Variants in SUGP1 observed in about 807,000 individuals in gnomAD.
The protein encoded by SUGP1 is SURP and G-patch domain-containing protein 1.
In SUGP1, 34 loss-of-function variants were observed where a neutral mutation model predicts 76.5. The observed-to-expected ratio is 0.44, with a 90% CI of 0.34 to 0.59. SUGP1 has a LOEUF of 0.59. Among genes scored for constraint, SUGP1 ranks in the 20% least tolerant of loss-of-function variants. The pLI, the probability that SUGP1 is intolerant of heterozygous loss-of-function variation, is 0.01. For missense variants in SUGP1, 752 were observed against 851.7 expected (o/e 0.88, Z 1.46); for synonymous variants, 326 against 326.2 (o/e 1.00, Z 0.01).
chr19:19,312,745 T>G (rs2061361377), intron 2 of SUGP1, among the ~76,000 whole-genome samples: 1 of 151,636 alleles, frequency 6.6e-6, no homozygotes, highest in Non-Finnish European at 1.5e-5. Context: ...CCCAGCACTT[T>G]GGGAGGCCAA....
At chr19:19,308,787 C>A (rs2061334220) in intron 3 of SUGP1, among the ~76,000 whole-genome samples, 1 of 152,204 alleles carries the variant, frequency 6.6e-6, no homozygotes, top group African/African-American at 2.4e-5. Flanking sequence ...TCCACCTGCC[C>A]CAGACTGAAA....
intron 8 of SUGP1, among the ~76,000 whole-genome samples, chr19:19,288,432 T>C (rs1464860675): frequency 6.6e-6 from 1 of 152,188 alleles, no homozygotes; most frequent in Non-Finnish European, 1.5e-5. Context: ...AGCATGTTAA[T>C]CAACTGTTTA....
chr19:19,311,054 A>ATTT (rs35467129), intron 2 of SUGP1, among the ~76,000 whole-genome samples: 14 of 137,852 alleles, frequency 1.0e-4, no homozygotes, highest in African/African-American at 2.7e-4. Flanking sequence ...TAATTTTTTA[A>ATTT]TTTTTTTTTT....
At chr19:19,281,000 C>T (rs1185773965) in intron 8 of SUGP1, 1 of 152,284 alleles carries the variant, frequency 6.6e-6, no homozygotes, top group Non-Finnish European at 1.5e-5. Context: ...GATTTGGGTC[C>T]TTCCAGCTCA....
intron 1 of SUGP1, among the ~76,000 whole-genome samples, chr19:19,320,251 A>T (rs1445290921): frequency 2.0e-5 from 3 of 152,144 alleles, no homozygotes; most frequent in African/African-American, 2.4e-5. Context: ...CTCTACGGAG[A>T]TCCGTGCGTC....
chr19:19,308,554 GT>G (rs974346045), intron 3 of SUGP1, among the ~76,000 whole-genome samples: 1 of 152,170 alleles, frequency 6.6e-6, no homozygotes, highest in African/African-American at 2.4e-5. Flanking sequence ...TCATTGTTGG[GT>G]GCCCCCAGCT....
At chr19:19,298,645 G>A (rs2061247669) in intron 7 of SUGP1, among the ~76,000 whole-genome samples, 1 of 152,176 alleles carries the variant, frequency 6.6e-6, no homozygotes, top group African/African-American at 2.4e-5. Context: ...CTGTAATCCT[G>A]GGTCATGGTA....
chr19:19,278,870 C>G (rs2061074623), intron 10 of SUGP1, 74 bp from the exon 11 acceptor site: 4 of 1,484,260 alleles, frequency 2.7e-6, no homozygotes, highest in Non-Finnish European at 3.7e-6. Flanking sequence ...GCTCCCAGGG[C>G]ACAGGTATGA....
intron 3 of SUGP1, among the ~76,000 whole-genome samples, chr19:19,307,789 C>T (rs2061327947): frequency 6.6e-6 from 1 of 152,090 alleles, no homozygotes; most frequent in African/African-American, 2.4e-5. Flanking sequence ...CTCAGCCTCC[C>T]AAGTAGCTGG....
chr19:19,294,419 G>A (rs867218855), intron 8 of SUGP1, among the ~76,000 whole-genome samples: 1 of 151,528 alleles, frequency 6.6e-6, no homozygotes, highest in South Asian at 2.1e-4. Context: ...ACCTACTTGG[G>A]AGGCTGAGGT....
chr19:19,297,384 C>G (rs754283572), intron 7 of SUGP1, 40 bp from the exon 8 acceptor site: 2 of 1,472,968 alleles, frequency 1.4e-6, no homozygotes, highest in Admixed American at 4.6e-5. Context: ...CAGCTGGGCC[C>G]GAGGCCCTGT....
intron 7 of SUGP1, among the ~76,000 whole-genome samples, chr19:19,298,162 A>AACTAATGTGAATTAAAGG (rs2061243864): frequency 6.6e-6 from 1 of 152,212 alleles, no homozygotes; most frequent in Non-Finnish European, 1.5e-5. Flanking sequence ...CAAGGCGTGC[A>AACTAATGTGAATTAAAGG]ACTAATGTGA....
intron 10 of SUGP1, 149 bp downstream of exon 10, chr19:19,279,064 A>G: frequency 1.1e-6 from 1 of 917,952 alleles, no homozygotes; most frequent in Non-Finnish European, 1.6e-6. Context: ...TGAGCCTCTC[A>G]CTCCAGGCCT....
chr19:19,305,695 CCTCAGAGGGCCTGAGGCTCAG>C, intron 4 of SUGP1, 133 bp downstream of exon 4: 1 of 708,214 alleles, frequency 1.4e-6, no homozygotes, highest in East Asian at 2.8e-5. Flanking sequence ...GCTCTCCTCA[CCTCAGAGGGCCTGAGGCTCAG>C]CTCAGAGGTC....
chr19:19,286,144 C>T (rs1229878374), intron 8 of SUGP1, among the ~76,000 whole-genome samples: 1 of 152,202 alleles, frequency 6.6e-6, no homozygotes, highest in Non-Finnish European at 1.5e-5. Context: ...CTCCTGAAAT[C>T]AGGAAGTACC....
At chr19:19,282,442 T>TA (rs537092970) in intron 8 of SUGP1, among the ~76,000 whole-genome samples, 20,433 of 137,356 alleles carry the variant, frequency 0.15, 1,521 homozygotes, top group Middle Eastern at 0.29. Flanking sequence ...CTATTTATGT[T>TA]AAAAAAAAAA....
At position 19,305,784 on chromosome 19, in the gene SUGP1, C is replaced by A. The variant is rs1388279453; in HGVS notation, c.538+65G>T. ...CCCCTGGCAGCACTTGCCCTGCCCA[C>A]CACAGATCCCACCTGCTAGAGCACG... On this transcript the variant is annotated intron_variant, in intron 4 of 13. Coordinates refer to ENST00000247001, the MANE Select transcript of SUGP1 (RefSeq NM_172231.4). The A allele has an allele frequency of 6.6e-6, 10 of 1,515,728 alleles. No homozygotes were observed. The Admixed American group carries it at 1.5e-4, about 23-fold the overall frequency. The allele number at this position is 1,515,728 out of a possible 1,614,324, so 93.9% of individuals were successfully genotyped here. A position where few individuals can be genotyped will look rare whatever the true frequency, so the allele number is the denominator to read the frequency against.
chr19:19,312,841 T>A (rs188195466), intron 2 of SUGP1, among the ~76,000 whole-genome samples: 6,948 of 150,596 alleles, frequency 0.046, 217 homozygotes, highest in Middle Eastern at 0.085. Context: ...AAAAAAAAAA[T>A]TAGCCGGGCA....
At chr19:19,301,445 A>T (rs1373759443) in intron 7 of SUGP1, among the ~76,000 whole-genome samples, 3 of 151,900 alleles carry the variant, frequency 2.0e-5, no homozygotes, top group Non-Finnish European at 4.4e-5. Context: ...CCCACCCTCC[A>T]CGACCTTGGC....
Sources: allele counts gnomAD v4.1 joint callset (sites outside exome capture counted in the v4.1 genomes callset), GRCh38; gene constraint gnomAD v4.1.1; transcripts MANE v1.5; gene names NCBI Gene and HGNC (gene_info 2026-07-23, HGNC 2026-07-21).